The following ZCCHC17 variants were observed in gnomAD, a reference collection of about 807,000 sequenced individuals.
ZCCHC17 encodes the protein zinc finger CCHC-type containing 17.
A neutral mutation model predicts 30.6 loss-of-function variants in ZCCHC17; 18 were observed. The ratio of observed to expected loss-of-function variants is 0.59; its 90% confidence interval spans 0.41 to 0.87. The LOEUF is 0.87. Among genes scored for constraint, ZCCHC17 ranks in the 40% least tolerant of loss-of-function variants. The pLI, the probability that ZCCHC17 is intolerant of heterozygous loss-of-function variation, is 0.00. For missense variants in ZCCHC17, 263 were observed against 284.2 expected, an observed-to-expected ratio of 0.93 and a Z score of 0.54; for synonymous variants, 88 against 92.4, an observed-to-expected ratio of 0.95 and a Z score of 0.27.
At chr1:31,329,426 A>G (rs1194302296) in intron 3 of ZCCHC17, among the ~76,000 whole-genome samples, 1 of 152,192 alleles carries the variant, frequency 6.6e-6, no homozygotes, top group Non-Finnish European at 1.5e-5. Flanking sequence ...TTTCAACATT[A>G]TACTTTCAGA....
At chr1:31,332,122 G>T (rs970632420) in intron 3 of ZCCHC17, among the ~76,000 whole-genome samples, 2 of 152,206 alleles carry the variant, frequency 1.3e-5, no homozygotes, top group African/African-American at 4.8e-5. Flanking sequence ...TATAAGGAAA[G>T]TATATCTTGT....
intron 5 of ZCCHC17, 174 bp from the exon 6 acceptor site, chr1:31,346,466 A>G: frequency 8.6e-6 from 5 of 583,838 alleles, no homozygotes; most frequent in Non-Finnish European, 1.4e-5. Context: ...CGTAATTGTT[A>G]ATTTAGGGCT....
intron 5 of ZCCHC17, 33 bp from the exon 6 acceptor site, chr1:31,346,606 AG>A (rs1639282521): frequency 1.9e-6 from 3 of 1,582,404 alleles, no homozygotes; most frequent in Middle Eastern, 1.7e-4. Flanking sequence ...ATATCTCTTA[AG>A]GGGGCCGGCA....
intron 3 of ZCCHC17, among the ~76,000 whole-genome samples, chr1:31,321,438 T>C (rs1402240084): frequency 1.3e-5 from 2 of 152,246 alleles, no homozygotes; most frequent in African/African-American, 4.8e-5. Flanking sequence ...CCCAGTCTCG[T>C]ATGTCTTTAT....
At chr1:31,363,999 A>C in intron 7 of ZCCHC17, 33 bp from the exon 8 acceptor site, 3 of 1,607,688 alleles carry the variant, frequency 1.9e-6, no homozygotes, top group Non-Finnish European at 2.5e-6. Flanking sequence ...AAATATACAC[A>C]TACAGTGTTG....
At chr1:31,307,527 C>T (rs972245928) in intron 1 of ZCCHC17, among the ~76,000 whole-genome samples, 2 of 151,324 alleles carry the variant, frequency 1.3e-5, no homozygotes, top group African/African-American at 4.9e-5. Context: ...CTCCTGCCTC[C>T]AGAGTAGCTG....
intron 3 of ZCCHC17, among the ~76,000 whole-genome samples, chr1:31,327,697 C>T (rs1220687335): frequency 6.6e-6 from 1 of 152,098 alleles, no homozygotes; most frequent in African/African-American, 2.4e-5. Flanking sequence ...TCCAAGTAAC[C>T]CTTATTTTAC....
At chr1:31,339,823 T>TA (rs1233383873) in intron 5 of ZCCHC17, among the ~76,000 whole-genome samples, 1 of 152,188 alleles carries the variant, frequency 6.6e-6, no homozygotes, top group African/African-American at 2.4e-5. Flanking sequence ...CATCTTGGGA[T>TA]ACACTGTGCT....
chr1:31,347,877 G>A (rs1233232050), intron 6 of ZCCHC17, among the ~76,000 whole-genome samples: 1 of 152,172 alleles, frequency 6.6e-6, no homozygotes, highest in East Asian at 1.9e-4. Context: ...AAAGTACTGA[G>A]ATTATAGGCA....
chr1:31,308,545 C>T (rs954700921), intron 1 of ZCCHC17, among the ~76,000 whole-genome samples: 2 of 152,274 alleles, frequency 1.3e-5, no homozygotes, highest in African/African-American at 4.8e-5. Flanking sequence ...AAAATAATTT[C>T]AGGTCTTACT....
At chr1:31,349,808 C>T (rs1269260769) in intron 7 of ZCCHC17, among the ~76,000 whole-genome samples, 2 of 152,036 alleles carry the variant, frequency 1.3e-5, no homozygotes, top group Admixed American at 6.6e-5. Context: ...AATATTCTAC[C>T]CTATGGCTGT....
intron 2 of ZCCHC17, among the ~76,000 whole-genome samples, chr1:31,310,612 C>T (rs896276897): frequency 5.9e-5 from 9 of 152,334 alleles, no homozygotes; most frequent in Non-Finnish European, 1.0e-4. Context: ...TTACCTTCCA[C>T]CATGGGATGA....
chr1:31,335,962 A>AT (rs1403265629), intron 3 of ZCCHC17, among the ~76,000 whole-genome samples: 1 of 152,142 alleles, frequency 6.6e-6, no homozygotes, highest in African/African-American at 2.4e-5. Flanking sequence ...TATGTTTGCC[A>AT]TGCTGTTTTC....
intron 3 of ZCCHC17, among the ~76,000 whole-genome samples, chr1:31,325,803 A>C (rs1638316695): frequency 6.6e-6 from 1 of 152,196 alleles, no homozygotes; most frequent in African/African-American, 2.4e-5. Flanking sequence ...AACTCGGGCA[A>C]AGGTGCTGCT....
At chr1:31,309,546 C>T (rs1284000421) in intron 1 of ZCCHC17, among the ~76,000 whole-genome samples, 2 of 152,084 alleles carry the variant, frequency 1.3e-5, no homozygotes, top group Non-Finnish European at 2.9e-5. Context: ...AACTCCTGAT[C>T]CTGAGATCGT....
Position 31,364,261 on chromosome 1 carries a change from A to G in ZCCHC17, c.*68A>G. On this transcript the variant is annotated 3_prime_UTR_variant, in exon 8 of 8. Transcript: ENST00000344147. ...GAGCCTTGTGCCTTGAGACTCCTGGAAAGACTCAATAGTGAGAATATAGCC... is the reference window on the plus strand; with the variant it reads ...GAGCCTTGTGCCTTGAGACTCCTGGGAAGACTCAATAGTGAGAATATAGCC... The G allele has an allele frequency of 6.5e-7, 1 of 1,539,468 alleles. No individual in the cohort carries two copies. Among genetic ancestry groups the G allele is most frequent in the Non-Finnish European group, 8.7e-7 (1 of 1,147,246 alleles).
intron 2 of ZCCHC17, 29 bp downstream of exon 2, chr1:31,310,193 C>T (rs1569761322): frequency 6.2e-7 from 1 of 1,608,770 alleles, no homozygotes; most frequent in Non-Finnish European, 8.5e-7. Flanking sequence ...TGAAAACCCA[C>T]CATTTATGTT....
chr1:31,312,172 CCCACTTT>C (rs1646621286), intron 2 of ZCCHC17, among the ~76,000 whole-genome samples: 1 of 152,178 alleles, frequency 6.6e-6, no homozygotes, highest in African/African-American at 2.4e-5. Context: ...CTTTTAACTA[CCCACTTT>C]CCCATCATCT....
chr1:31,345,015 T>C (rs1163503617), intron 5 of ZCCHC17, among the ~76,000 whole-genome samples: 2 of 148,580 alleles, frequency 1.3e-5, no homozygotes, highest in African/African-American at 5.2e-5. Context: ...CAAGCCACCA[T>C]GCCTGGCTAT....
Sources: allele counts gnomAD v4.1 joint callset (sites outside exome capture counted in the v4.1 genomes callset), GRCh38; gene constraint gnomAD v4.1.1; transcripts MANE v1.5; gene names NCBI Gene and HGNC (gene_info 2026-07-23, HGNC 2026-07-21).